The following SLIT3 variants were observed in gnomAD, a reference collection of about 807,000 sequenced individuals.
The protein encoded by SLIT3 is slit guidance ligand 3.
In SLIT3, 68 loss-of-function variants were observed where a neutral mutation model predicts 184.0. The observed-to-expected ratio is 0.37, with a 90% CI of 0.30 to 0.45. The LOEUF (loss-of-function observed/expected upper bound fraction) is 0.45. SLIT3 is among the 20% of genes least tolerant of loss of function. The pLI is 1.00. For synonymous variants in SLIT3, 831 were observed against 828.6 expected, an observed-to-expected ratio of 1.00 and a Z score of -0.05; for missense variants, 1,707 against 2,026.0, an observed-to-expected ratio of 0.84 and a Z score of 3.02.
At chr5:168,688,261 G>A (rs1011029647) in intron 29 of SLIT3, among the ~76,000 whole-genome samples, 8 of 152,182 alleles carry the variant, frequency 5.3e-5, no homozygotes, top group African/African-American at 1.9e-4. Flanking sequence ...AAAAATAATA[G>A]CCACAACCTA....
chr5:169,077,247 C>A (rs1317351260), intron 4 of SLIT3, among the ~76,000 whole-genome samples: 1 of 152,036 alleles, frequency 6.6e-6, no homozygotes, highest in African/African-American at 2.4e-5. Flanking sequence ...TGTAAGAATA[C>A]AGTATGTAGG....
chr5:169,088,617 G>T (rs964637658), intron 4 of SLIT3, among the ~76,000 whole-genome samples: 10 of 152,042 alleles, frequency 6.6e-5, no homozygotes, highest in Non-Finnish European at 7.4e-5. Context: ...CCATGAGCTG[G>T]GGCAAGGGTC....
chr5:168,757,829 G>A (rs1441761394), intron 16 of SLIT3, among the ~76,000 whole-genome samples: 1 of 152,156 alleles, frequency 6.6e-6, no homozygotes, highest in Non-Finnish European at 1.5e-5. Context: ...CAGTACCACA[G>A]CCATGTCTTT....
chr5:169,272,650 C>T (rs559297713), intron 1 of SLIT3, among the ~76,000 whole-genome samples: 10 of 152,204 alleles, frequency 6.6e-5, no homozygotes, highest in African/African-American at 1.9e-4. Context: ...AGAAGAGAAA[C>T]GAGAAGGGAA....
At position 168,767,707 on chromosome 5, in the gene SLIT3, G is replaced by A. The variant is rs560926658; in HGVS notation, c.1460-5018C>T. Among the ~76,000 whole-genome samples, 5 of 152,312 alleles carry A rather than the reference G, an allele frequency of 3.3e-5. No individual in the cohort carries two copies. The South Asian group carries it at 1.0e-3, about 32-fold the overall frequency. Reference sequence around the variant, plus strand: ...TTCAAATAAAGTGAATACCAATAAAGGTGGTGGTGGGAGGGGTCGGGGGTC... The same window carrying A: ...TTCAAATAAAGTGAATACCAATAAAAGTGGTGGTGGGAGGGGTCGGGGGTC... On this transcript the variant is annotated intron_variant, in intron 14 of 35. Transcript: ENST00000519560.
chr5:168,897,125 T>C (rs1391226637), intron 4 of SLIT3, among the ~76,000 whole-genome samples: 1 of 34,722 alleles, frequency 2.9e-5, no homozygotes, highest in Admixed American at 5.3e-4. Context: ...TCATCATTAC[T>C]AGGGTGACTA....
At chr5:169,252,891 A>G (rs181371736) in intron 1 of SLIT3, among the ~76,000 whole-genome samples, 29 of 152,156 alleles carry the variant, frequency 1.9e-4, no homozygotes, top group Non-Finnish European at 3.5e-4. Context: ...GGAGGGATTA[A>G]TCTCCTGGTA....
rs1426815752 is a variant in SLIT3 at position 169,160,082 on chromosome 5, A to C, written c.413+33397T>G. Among the ~76,000 whole-genome samples the C allele has an allele frequency of 2.6e-5, 4 of 152,242 alleles. No individual in the cohort carries two copies. The East Asian group carries it at 7.7e-4, about 29-fold the overall frequency. ...TAATTGTAGATTCATAAAGAAAAAC[A>C]AATCTCTACCTTGTTTAAGCCATTA... On this transcript the variant is annotated intron_variant, in intron 4 of 35. Coordinates refer to ENST00000519560, the MANE Select transcript of SLIT3 (RefSeq NM_003062.4).
intron 4 of SLIT3, among the ~76,000 whole-genome samples, chr5:169,099,695 GA>G (rs1457266302): frequency 1.3e-5 from 2 of 152,188 alleles, no homozygotes; most frequent in African/African-American, 2.4e-5. Flanking sequence ...GCCATATCCT[GA>G]CACAGAATGC....
At chr5:168,919,735 CT>C (rs1171178397) in intron 4 of SLIT3, among the ~76,000 whole-genome samples, 21 of 151,908 alleles carry the variant, frequency 1.4e-4, no homozygotes, top group Non-Finnish European at 4.4e-5. Context: ...ACACTTTAGT[CT>C]TTTCTTTTTC....
At chr5:168,731,868 G>A (rs1197302599) in intron 20 of SLIT3, among the ~76,000 whole-genome samples, 1 of 151,920 alleles carries the variant, frequency 6.6e-6, no homozygotes, top group Non-Finnish European at 1.5e-5. Context: ...AAGTTGAAAG[G>A]ATTCCCTCTA....
At chr5:169,009,618 A>G (rs999131903) in intron 4 of SLIT3, among the ~76,000 whole-genome samples, 1 of 152,256 alleles carries the variant, frequency 6.6e-6, no homozygotes, top group Non-Finnish European at 1.5e-5. Flanking sequence ...AGATAGTGAC[A>G]GCCTCATAGC....
intron 5 of SLIT3, among the ~76,000 whole-genome samples, chr5:168,871,397 C>T (rs146860896): frequency 5.9e-5 from 9 of 152,058 alleles, no homozygotes; most frequent in East Asian, 5.8e-4. Flanking sequence ...AGGCAGGCAG[C>T]GGTTAATAGC....
chr5:169,160,038 A>AT (rs1338399354), intron 4 of SLIT3, among the ~76,000 whole-genome samples: 1 of 152,248 alleles, frequency 6.6e-6, no homozygotes, highest in African/African-American at 2.4e-5. Context: ...CAGAACTACC[A>AT]TACCAACTAT....
At chr5:169,217,507 T>C (rs902693583) in intron 3 of SLIT3, among the ~76,000 whole-genome samples, 1 of 152,162 alleles carries the variant, frequency 6.6e-6, no homozygotes, top group Non-Finnish European at 1.5e-5. Flanking sequence ...CAGGAGAACA[T>C]GACACCATTG....
chr5:169,070,797 C>CAAAAAAAAAAAAAAAAAAAAAAAAAAAA (rs34764320), intron 4 of SLIT3, among the ~76,000 whole-genome samples: 1 of 116,068 alleles, frequency 8.6e-6, no homozygotes. Context: ...ACATTTTCCT[C>CAAAAAAAAAAAAAAAAAAAAAAAAAAAA]AAAAAAAAAA....
intron 26 of SLIT3, among the ~76,000 whole-genome samples, chr5:168,704,218 A>G (rs897993678): frequency 5.0e-5 from 7 of 138,742 alleles, no homozygotes; most frequent in Non-Finnish European, 1.5e-5. Context: ...GTTCTGAGAC[A>G]TTGAACATAT....
intron 4 of SLIT3, among the ~76,000 whole-genome samples, chr5:168,949,237 C>G (rs1762574699): frequency 6.6e-6 from 1 of 152,200 alleles, no homozygotes; most frequent in Admixed American, 6.5e-5. Flanking sequence ...AGCTTCCCTT[C>G]CAGTAAGTGT....
At chr5:169,224,666 C>CCAGG (rs1764739258) in intron 3 of SLIT3, among the ~76,000 whole-genome samples, 1 of 151,888 alleles carries the variant, frequency 6.6e-6, no homozygotes. Flanking sequence ...CTGCACTCAG[C>CCAGG]CAGGCCCATT....
Sources: gnomAD v4.1 joint callset for allele counts (sites outside exome capture counted in the v4.1 genomes callset) on GRCh38, gnomAD v4.1.1 for gene constraint, MANE v1.5 for transcripts, NCBI Gene and HGNC (gene_info 2026-07-23, HGNC 2026-07-21) for gene names.